Variants in PCP4 observed in about 807,000 individuals in gnomAD.
PCP4 encodes the protein calmodulin regulator protein PCP4.
PCP4 carries 8 observed loss-of-function variants against 10.0 expected under a neutral mutation model. That is an observed-to-expected ratio of 0.80 (90% confidence interval 0.47 to 1.45). The LOEUF (loss-of-function observed/expected upper bound fraction) is 1.45. Ranked by LOEUF, PCP4 falls within the 40% of genes most tolerant of loss-of-function variation. The pLI, the probability that PCP4 is intolerant of heterozygous loss-of-function variation, is 0.00. For synonymous variants in PCP4, 21 were observed against 23.0 expected (o/e 0.91, Z 0.24); for missense variants, 54 against 74.4 (o/e 0.73, Z 1.01).
In PCP4 at chr21:39,906,687, A is replaced by G. The variant is rs2087512188; in HGVS notation, c.61+8160A>G. 6.6e-6 allele frequency among the ~76,000 whole-genome samples: 1 copy of G among 152,118 alleles called. No individual in the cohort carries two copies. Among genetic ancestry groups the G allele is most frequent in the Admixed American group, 6.5e-5 (1 of 15,270 alleles). On this transcript the variant is annotated intron_variant, in intron 2 of 2. Coordinates refer to ENST00000328619, the MANE Select transcript of PCP4 (RefSeq NM_006198.3). This position sits in a 1 kb window ranked among gnomAD's most constrained non-coding sequence, Gnocchi z 6.3. Reference sequence around the variant, plus strand: ...AGTGGACAGCTTTAGATCAGCTGAAATAGAATTTCATTCCACATCATACAG... The same window carrying G: ...AGTGGACAGCTTTAGATCAGCTGAAGTAGAATTTCATTCCACATCATACAG...
At chr21:39,893,130 CCT>C (rs1226900646) in intron 1 of PCP4, among the ~76,000 whole-genome samples, 1 of 152,280 alleles carries the variant, frequency 6.6e-6, no homozygotes, top group African/African-American at 2.4e-5. Flanking sequence ...ACCTTCCCAT[CCT>C]CTCTCTTTCA....
chr21:39,919,698 A>C lies in PCP4; in HGVS notation c.62-9286A>C, dbSNP rs918831623. Among the ~76,000 whole-genome samples, 7 of 150,744 alleles carry C rather than the reference A, an allele frequency of 4.6e-5. No homozygotes were observed. The East Asian group carries it at 6.0e-4, about 13-fold the overall frequency. Reference sequence around the variant, plus strand: ...TGTGTGGTCTAATGTGTGTATGTCTATGGTGTGTGTGGTTTGTGTGTGTGT... The same window carrying C: ...TGTGTGGTCTAATGTGTGTATGTCTCTGGTGTGTGTGGTTTGTGTGTGTGT... On this transcript the variant is annotated intron_variant, in intron 2 of 2. Transcript: ENST00000328619.
chr21:39,875,327 G>C (rs961879267), intron 1 of PCP4, among the ~76,000 whole-genome samples: 3 of 151,962 alleles, frequency 2.0e-5, no homozygotes, highest in Non-Finnish European at 4.4e-5. Flanking sequence ...GCTGAGTGTG[G>C]CTGTGTGACA....
chr21:39,911,907 A>G (rs776763042), intron 2 of PCP4, among the ~76,000 whole-genome samples: 18 of 152,218 alleles, frequency 1.2e-4, no homozygotes, highest in Non-Finnish European at 2.6e-4. Flanking sequence ...CTGACAGTTG[A>G]ACAAAACTAT....
At chr21:39,918,009 G>T (rs374973440) in intron 2 of PCP4, among the ~76,000 whole-genome samples, 14 of 152,094 alleles carry the variant, frequency 9.2e-5, no homozygotes, top group Non-Finnish European at 1.9e-4. Flanking sequence ...TGCAAGCCAG[G>T]AGAGAGGTCT....
At chr21:39,916,067 C>T (rs2087567093) in intron 2 of PCP4, 1 of 152,126 alleles carries the variant, frequency 6.6e-6, no homozygotes, top group East Asian at 1.9e-4. Context: ...GTTTCCTAGT[C>T]AGAGTGTGAA....
At chr21:39,867,613 A>G (rs2146321566) in intron 1 of PCP4, 103 bp downstream of exon 1, 4 of 1,050,896 alleles carry the variant, frequency 3.8e-6, no homozygotes, top group South Asian at 3.8e-5. Context: ...GTGCTGAGGA[A>G]CAAATTAATC....
chr21:39,925,606 T>C (rs911524771), intron 2 of PCP4, among the ~76,000 whole-genome samples: 4 of 152,206 alleles, frequency 2.6e-5, no homozygotes, highest in African/African-American at 9.6e-5. Context: ...CAATGCAGGC[T>C]TGGGGGTGTG....
At chr21:39,918,219 T>G (rs1371097588) in intron 2 of PCP4, among the ~76,000 whole-genome samples, 1 of 152,220 alleles carries the variant, frequency 6.6e-6, no homozygotes, top group Non-Finnish European at 1.5e-5. Context: ...CCTTGTTTTT[T>G]TGTGCTCTTC....
chr21:39,926,254 T>C, intron 2 of PCP4: 1 of 295,286 alleles, frequency 3.4e-6, no homozygotes, highest in Non-Finnish European at 6.9e-6. Context: ...CAGTCACTTT[T>C]GGCTGAGATA....
intron 2 of PCP4, among the ~76,000 whole-genome samples, chr21:39,910,594 A>G (rs1172755612): frequency 6.6e-6 from 1 of 152,224 alleles, no homozygotes; most frequent in Non-Finnish European, 1.5e-5. Context: ...AGTGCTTTGA[A>G]GGTTCCTCCC....
At chr21:39,913,865 G>A (rs1326708380) in intron 2 of PCP4, among the ~76,000 whole-genome samples, 1 of 152,160 alleles carries the variant, frequency 6.6e-6, no homozygotes, top group South Asian at 2.1e-4. Context: ...CTGGAAATAC[G>A]CAAAGAGAAA....
In PCP4 at chr21:39,927,118, G is replaced by C. The variant is rs181966883; in HGVS notation, c.62-1866G>C. ...CCTCCTCCTAGGTGAGAGGATGATT[G>C]AAGGGTCCCAGGTGGAAACTGATTA... On this transcript the variant is annotated intron_variant, in intron 2 of 2. Coordinates refer to ENST00000328619, the MANE Select transcript of PCP4 (RefSeq NM_006198.3). Among the ~76,000 whole-genome samples, 367 of 152,068 alleles carry C rather than the reference G, an allele frequency of 2.4e-3. 3 individuals are homozygous for C. Among genetic ancestry groups the C allele is most frequent in the Non-Finnish European group, 3.6e-3 (247 of 67,962 alleles).
Position 39,929,124 on chromosome 21 carries a change from C to A in PCP4, c.*13C>A, listed in dbSNP as rs192109927. On this transcript the variant is annotated 3_prime_UTR_variant, in exon 3 of 3. Transcript: ENST00000328619. The stretch of plus-strand genomic sequence containing the variant: ...GTCTCAGTCCTAGTGGGAGAACCCC[C>A]TCCTAGTCCACCTGAAAACACCAAA... 1 of 1,603,822 alleles carries A rather than the reference C, an allele frequency of 6.2e-7. No homozygotes were observed. The highest frequency in any genetic ancestry group is 8.5e-7 in the Non-Finnish European group (1 of 1,175,102).
At chr21:39,903,204 C>T (rs1486560521) in intron 2 of PCP4, among the ~76,000 whole-genome samples, 2 of 152,136 alleles carry the variant, frequency 1.3e-5, no homozygotes, top group South Asian at 4.2e-4. Flanking sequence ...CGTGATGGGG[C>T]TTACTTTCAG....
chr21:39,889,141 A>C (rs1402916403), intron 1 of PCP4, among the ~76,000 whole-genome samples: 2 of 152,166 alleles, frequency 1.3e-5, no homozygotes, highest in Non-Finnish European at 2.9e-5. Flanking sequence ...TGGATCTGGC[A>C]GCATGAGGAT....
Position 39,884,601 on chromosome 21 carries a change from A to T in PCP4, c.10-13875A>T, listed in dbSNP as rs1344169748. 2.0e-5 allele frequency among the ~76,000 whole-genome samples: 3 copies of T among 152,004 alleles called. No individual in the cohort carries two copies. In the East Asian group the frequency reaches 5.9e-4, roughly 30 times the overall value. On this transcript the variant is annotated intron_variant, in intron 1 of 2. Coordinates refer to ENST00000328619, the MANE Select transcript of PCP4 (RefSeq NM_006198.3). The stretch of plus-strand genomic sequence containing the variant: ...CACCTGAGGTCAGGAGTTCGAGACC[A>T]GCCTGGCCAACATGGCAAAACCTTG...
rs2087513714 is a variant in PCP4 at position 39,906,915 on chromosome 21, A to G, written c.61+8388A>G. Among the ~76,000 whole-genome samples the G allele has an allele frequency of 6.6e-6, 1 of 152,148 alleles. No homozygotes were observed. On this transcript the variant is annotated intron_variant, in intron 2 of 2. Coordinates refer to ENST00000328619, the MANE Select transcript of PCP4 (RefSeq NM_006198.3). This position sits in a 1 kb window ranked among gnomAD's most constrained non-coding sequence, Gnocchi z 6.3. ...TCTGCTTGTCAATTACTTTTATGGAAATAGTATTTCTCACGCGCTTGAAAA... is the reference window on the plus strand; with the variant it reads ...TCTGCTTGTCAATTACTTTTATGGAGATAGTATTTCTCACGCGCTTGAAAA...
chr21:39,891,557 C>A (rs2087431472), intron 1 of PCP4, among the ~76,000 whole-genome samples: 1 of 152,166 alleles, frequency 6.6e-6, no homozygotes, highest in South Asian at 2.1e-4. Flanking sequence ...TAAATAAAGG[C>A]ATAAGACGAA....
Sources: gnomAD v4.1 joint callset for allele counts (sites outside exome capture counted in the v4.1 genomes callset) on GRCh38, gnomAD v4.1.1 for gene constraint, Gnocchi (gnomAD v3.1) non-coding constraint, MANE v1.5 for transcripts, NCBI Gene and HGNC (gene_info 2026-07-23, HGNC 2026-07-21) for gene names.